Variants in PFKFB3 observed in about 807,000 individuals in gnomAD.
PFKFB3 encodes the protein 6-phosphofructo-2-kinase/fructose-2,6-biphosphatase 3.
In PFKFB3, 33 loss-of-function variants were observed where a neutral mutation model predicts 68.0. That is an observed-to-expected ratio of 0.49 (90% confidence interval 0.37 to 0.65). The LOEUF is 0.65. PFKFB3 is among the 30% of genes least tolerant of loss of function. The pLI, the probability that PFKFB3 is intolerant of heterozygous loss-of-function variation, is 0.00. For missense variants in PFKFB3, 586 were observed against 712.2 expected (o/e 0.82, Z 2.02); for synonymous variants, 315 against 288.2 (o/e 1.09, Z -0.94).
At chr10:6,203,550 G>C (rs1277785943) in intron 1 of PFKFB3, among the ~76,000 whole-genome samples, 1 of 150,804 alleles carries the variant, frequency 6.6e-6, no homozygotes, top group African/African-American at 2.4e-5. Flanking sequence ...GCCCGGAAAC[G>C]GCGAGTGCGC....
rs2230272 is a variant in PFKFB3, at chr10:6,222,920, G to A, written c.1149G>A (p.Val383=). The stretch of plus-strand genomic sequence containing the variant: ...TGGAGCTGGAGCGGCAGGAGAATGT[G>A]CTGGTCATCTGCCACCAGGCCGTCC... ...VIMELERQEN[V]LVICHQAVLR... The change falls in exon 11 of 15, where the codon GTG becomes GTA. Residue 383 remains valine (V), a synonymous_variant. Transcript: ENST00000379775. 28,644 of 1,613,792 alleles carry A rather than the reference G, an allele frequency of 0.018. 2,711 individuals are homozygous for A. The African/African-American group carries it at 0.26, about 15-fold the overall frequency.
At chr10:6,267,825 G>T in the PFKFB3 span, among the ~76,000 whole-genome samples, 1 of 151,558 alleles carries the variant, frequency 6.6e-6, no homozygotes, top group African/African-American at 2.4e-5. Context: ...CATGGTGGCG[G>T]GCGCCTGTAG....
the PFKFB3 span, among the ~76,000 whole-genome samples, chr10:6,263,121 G>A: frequency 3.3e-5 from 5 of 152,206 alleles, no homozygotes; most frequent in East Asian, 1.9e-4. Context: ...ATTTACCCAC[G>A]TATTTATTAA....
the PFKFB3 span, among the ~76,000 whole-genome samples, chr10:6,290,735 C>T: frequency 2.0e-5 from 3 of 152,110 alleles, no homozygotes; most frequent in Non-Finnish European, 2.9e-5. Context: ...AACTCCTGAC[C>T]TCAGGTGATC....
chr10:6,203,725 G>A (rs1464989243), intron 1 of PFKFB3, among the ~76,000 whole-genome samples: 4 of 152,092 alleles, frequency 2.6e-5, no homozygotes, highest in Non-Finnish European at 4.4e-5. Context: ...CCTTTTCACC[G>A]TCCGGATCTC....
rs1197477783 is a variant in PFKFB3 at position 6,221,676 on chromosome 10, G to A, written c.1014G>A (p.Arg338=). The change falls in exon 10 of 15, where the codon AGG becomes AGA. Residue 338 remains arginine, a synonymous_variant. Transcript: ENST00000379775. ...AGGAGCTGACCTACGAGGAGATCAG[G>A]GACACCTACCCTGAGGAGTATGCGC... ...VCEELTYEEI[R]DTYPEEYALR... The A allele has an allele frequency of 1.9e-6, 3 of 1,611,098 alleles. No homozygotes were observed. The highest frequency in any genetic ancestry group is 1.7e-5 in the Admixed American group (1 of 59,498).
chr10:6,256,302 G>A (rs1846494096), downstream of PFKFB3, among the ~76,000 whole-genome samples: 1 of 152,172 alleles, frequency 6.6e-6, no homozygotes, highest in Non-Finnish European at 1.5e-5. Context: ...TTTTGTTTTG[G>A]GATAGGAAGT....
chr10:6,230,175 A>G (rs1020522736), intron 14 of PFKFB3, among the ~76,000 whole-genome samples: 2 of 152,168 alleles, frequency 1.3e-5, no homozygotes, highest in Admixed American at 1.3e-4. Flanking sequence ...TTCAGCAAAA[A>G]TACATCCGAT....
At chr10:6,317,272 C>T in the PFKFB3 span, among the ~76,000 whole-genome samples, 1 of 152,212 alleles carries the variant, frequency 6.6e-6, no homozygotes, top group African/African-American at 2.4e-5. Flanking sequence ...TGCAGTGATG[C>T]ATCTCCCTGG....
chr10:6,200,335 C>A (rs933663751), upstream of PFKFB3, among the ~76,000 whole-genome samples: 3 of 152,042 alleles, frequency 2.0e-5, no homozygotes, highest in South Asian at 2.1e-4. Context: ...CTTTGTGATA[C>A]CCAGGTTAGT....
At position 6,224,181 on chromosome 10, in the gene PFKFB3, G is replaced by C; in HGVS notation, c.1309G>C (p.Glu437Gln). The change falls in exon 13 of 15, where the codon GAG (glutamate) becomes CAG (glutamine). Residue 437 changes from glutamate to glutamine, a missense_variant. Transcript: ENST00000379775. ...CRVESIYLNV[E>Q]SVCTHRERSE... ...TGTGGAATCCATCTACCTGAACGTGGAGTCCGTCTGCACACACCGGGAGAG... is the reference window on the plus strand; with the variant it reads ...TGTGGAATCCATCTACCTGAACGTGCAGTCCGTCTGCACACACCGGGAGAG... The C allele has an allele frequency of 6.2e-7, 1 of 1,614,138 alleles. No individual in the cohort carries two copies. Among genetic ancestry groups the C allele is most frequent in the South Asian group, 1.1e-5 (1 of 91,082 alleles).
At chr10:6,221,306 C>A in intron 8 of PFKFB3, 75 bp from the exon 9 acceptor site, 1 of 1,569,856 alleles carries the variant, frequency 6.4e-7, no homozygotes, top group Non-Finnish European at 8.7e-7. Context: ...CCTACGTGGG[C>A]TGCCTGCTCC....
the PFKFB3 span, among the ~76,000 whole-genome samples, chr10:6,309,074 A>G: frequency 6.6e-6 from 1 of 152,230 alleles, no homozygotes; most frequent in Non-Finnish European, 1.5e-5. Context: ...TCCAGTCTCC[A>G]TACAGGCACT....
chr10:6,215,073 C>G lies in PFKFB3; in HGVS notation c.203-148C>G. 1.5e-6 allele frequency: 1 copy of G among 658,136 alleles called. No individual in the cohort carries two copies. The highest frequency in any genetic ancestry group is 2.4e-5 in the Admixed American group (1 of 42,470). The allele number at this position is 658,136 out of a possible 1,614,324, so 40.8% of individuals were successfully genotyped here. A position where few individuals can be genotyped will look rare whatever the true frequency, so the allele number is the denominator to read the frequency against. ...CTCAGGAGTTGAGGGTAGCGTAGGA[C>G]TGGGCGCCGGCATTGCTTCCACACC... On this transcript the variant is annotated intron_variant, in intron 2 of 14. Coordinates refer to ENST00000379775, the MANE Select transcript of PFKFB3 (RefSeq NM_004566.4). This position sits in a 1 kb window ranked among gnomAD's most constrained non-coding sequence, Gnocchi z 4.3.
the PFKFB3 span, among the ~76,000 whole-genome samples, chr10:6,304,862 A>G: frequency 9.9e-6 from 1 of 100,522 alleles, no homozygotes; most frequent in East Asian, 3.8e-4. Context: ...TTTTTTTTTT[A>G]GTAGAGATGA....
chr10:6,245,013 G>T (rs773140927), intron 14 of PFKFB3, among the ~76,000 whole-genome samples: 30 of 152,324 alleles, frequency 2.0e-4, no homozygotes, highest in African/African-American at 6.3e-4. Flanking sequence ...CACTTTACAG[G>T]TGGGGAAACT....
intron 1 of PFKFB3, among the ~76,000 whole-genome samples, chr10:6,171,557 G>A (rs1029633545): frequency 1.6e-4 from 24 of 151,986 alleles, no homozygotes; most frequent in Admixed American, 2.0e-4. Context: ...TGCCACACTC[G>A]GCTAATTTTA....
intron 14 of PFKFB3, among the ~76,000 whole-genome samples, chr10:6,251,195 G>T (rs1588570559): frequency 1.3e-5 from 2 of 152,270 alleles, no homozygotes; most frequent in East Asian, 3.9e-4. Context: ...GCAAGGATGG[G>T]GTGGAAAGAG....
intron 1 of PFKFB3, among the ~76,000 whole-genome samples, chr10:6,188,536 G>A (rs2131814003): frequency 6.6e-6 from 1 of 151,638 alleles, no homozygotes; most frequent in South Asian, 2.1e-4. Context: ...ATTTTTAAAT[G>A]TGTACAGTTC....
Sources: allele counts gnomAD v4.1 joint callset (sites outside exome capture counted in the v4.1 genomes callset), GRCh38; gene constraint gnomAD v4.1.1; non-coding constraint Gnocchi (gnomAD v3.1); transcripts MANE v1.5; gene names NCBI Gene and HGNC (gene_info 2026-07-23, HGNC 2026-07-21).